The following UBXN2A variants were observed in gnomAD, a reference collection of about 807,000 sequenced individuals.
UBXN2A encodes the protein UBX domain protein 2A, also known as UBX domain-containing protein 2A.
A neutral mutation model predicts 28.4 loss-of-function variants in UBXN2A; 28 were observed. That is an observed-to-expected ratio of 0.99 (90% CI 0.73 to 1.35). The LOEUF is 1.35. UBXN2A is among the 40% of genes most tolerant of loss of function. UBXN2A has a pLI of 0.00. For missense variants in UBXN2A, 253 were observed against 297.9 expected (o/e 0.85, Z 1.11); for synonymous variants, 97 against 103.6 (o/e 0.94, Z 0.39).
Position 23,943,029 on chromosome 2 carries a change from C to T in UBXN2A, c.-15+2381C>T, listed in dbSNP as rs1277434220. On this transcript the variant is annotated intron_variant, in intron 1 of 6. Transcript: ENST00000309033. ...GGAGTGCTGTGGTGCAATCTCCGCT[C>T]ACTGCAACCTCTGCCTCCCGGGTTC... Among the ~76,000 whole-genome samples, 3 of 151,300 alleles carry T rather than the reference C, an allele frequency of 2.0e-5. No homozygotes were observed. The East Asian group carries it at 5.8e-4, about 29-fold the overall frequency.
At chr2:23,985,312 G>T (rs759358328) in intron 6 of UBXN2A, among the ~76,000 whole-genome samples, 1 of 151,948 alleles carries the variant, frequency 6.6e-6, no homozygotes, top group South Asian at 2.1e-4. Flanking sequence ...GTAGTGGCAC[G>T]ATCTCAGCTC....
intron 1 of UBXN2A, 104 bp from the exon 2 acceptor site, chr2:23,958,195 CTT>C: frequency 4.0e-6 from 3 of 752,852 alleles, no homozygotes; most frequent in Non-Finnish European, 4.0e-6. Flanking sequence ...AGTTTGCTCA[CTT>C]TTTCTTTAGA....
At chr2:23,960,096 C>CA (rs1006277588) in intron 2 of UBXN2A, among the ~76,000 whole-genome samples, 48 of 148,450 alleles carry the variant, frequency 3.2e-4, no homozygotes, top group South Asian at 6.4e-4. Flanking sequence ...ACTAAAAATA[C>CA]AAAAAAAAAA....
At chr2:23,929,467 T>C (rs1705306721) in intron 1 of UBXN2A, among the ~76,000 whole-genome samples, 1 of 149,786 alleles carries the variant, frequency 6.7e-6, no homozygotes, top group African/African-American at 2.5e-5. Flanking sequence ...ATCTCAGCAC[T>C]TTGGGAGGCA....
chr2:23,999,526 GC>G, intron 6 of UBXN2A, 145 bp from the exon 7 acceptor site: 1 of 839,920 alleles, frequency 1.2e-6, no homozygotes. Context: ...TATTATGATG[GC>G]ACCACTGCAC....
rs971885262 is a variant in UBXN2A, at chr2:23,957,601, G to A, written c.-14-700G>A. On this transcript the variant is annotated intron_variant, in intron 1 of 6. Coordinates refer to ENST00000309033, the MANE Select transcript of UBXN2A (RefSeq NM_181713.4). Reference sequence around the variant, plus strand: ...TGTAATCCCAGGACTTTGAGAGGCCGAGGCAGGTGGATCACCTGAGGTTGG... The same window carrying A: ...TGTAATCCCAGGACTTTGAGAGGCCAAGGCAGGTGGATCACCTGAGGTTGG... 1.3e-4 allele frequency among the ~76,000 whole-genome samples: 19 copies of A among 151,964 alleles called. 1 individual carries two copies. The highest frequency in any genetic ancestry group is 5.9e-4 in the Admixed American group (9 of 15,262).
At chr2:23,952,935 A>G (rs543057752) in intron 1 of UBXN2A, among the ~76,000 whole-genome samples, 1 of 150,290 alleles carries the variant, frequency 6.7e-6, no homozygotes, top group East Asian at 2.0e-4. Context: ...CAAGCCATGA[A>G]TCAACCAAAT....
intron 2 of UBXN2A, among the ~76,000 whole-genome samples, chr2:23,968,522 A>G (rs574534602): frequency 1.3e-5 from 2 of 151,980 alleles, no homozygotes; most frequent in South Asian, 4.2e-4. Flanking sequence ...AAATACAAAA[A>G]ATTAGCCAGG....
In UBXN2A at chr2:23,940,563, G is replaced by A. The variant is rs112997568; in HGVS notation, c.-100G>A. 8,711 of 151,394 alleles carry A rather than the reference G, an allele frequency of 0.058. 336 individuals carry two copies. The highest frequency in any genetic ancestry group is 0.12 in the Middle Eastern group (34 of 292). The allele number at this position is 151,394 out of a possible 1,614,324, so 9.4% of individuals were successfully genotyped here. Reference sequence around the variant, plus strand: ...GGGCGGCGGCGCTCCGGCTCTGAAGGGCTCCAGCCAAACGGAGCCCGCGGC... The same window carrying A: ...GGGCGGCGGCGCTCCGGCTCTGAAGAGCTCCAGCCAAACGGAGCCCGCGGC... On this transcript the variant is annotated 5_prime_UTR_variant, in exon 1 of 7. Transcript: ENST00000309033.
At chr2:23,952,281 T>C (rs1451095740) in intron 1 of UBXN2A, among the ~76,000 whole-genome samples, 1 of 151,890 alleles carries the variant, frequency 6.6e-6, no homozygotes, top group Non-Finnish European at 1.5e-5. Flanking sequence ...GGTTTTGTTT[T>C]TTAAGACGGT....
chr2:23,999,041 G>A (rs1708647671), intron 6 of UBXN2A, among the ~76,000 whole-genome samples: 1 of 152,066 alleles, frequency 6.6e-6, no homozygotes, highest in South Asian at 2.1e-4. Context: ...AGACTTTTTT[G>A]GTAGCCCTTA....
At chr2:23,971,174 A>G (rs1247403718) in intron 2 of UBXN2A, 102 bp from the exon 3 acceptor site, 25 of 1,284,536 alleles carry the variant, frequency 1.9e-5, no homozygotes, top group Non-Finnish European at 2.5e-5. Context: ...AACTACAGAC[A>G]TGCACGTAGC....
chr2:23,948,802 T>A (rs1390566736), intron 1 of UBXN2A, among the ~76,000 whole-genome samples: 2 of 152,200 alleles, frequency 1.3e-5, no homozygotes, highest in Non-Finnish European at 2.9e-5. Context: ...TCATTCTCTT[T>A]TGCTGTCATA....
chr2:23,958,443 GA>G, intron 2 of UBXN2A, 88 bp downstream of exon 2: 2 of 1,314,780 alleles, frequency 1.5e-6, no homozygotes, highest in Non-Finnish European at 2.1e-6. Flanking sequence ...AGAGATAGTA[GA>G]GTACGTTTTA....
At chr2:23,975,602 A>C (rs1707623620) in intron 3 of UBXN2A, among the ~76,000 whole-genome samples, 1 of 152,262 alleles carries the variant, frequency 6.6e-6, no homozygotes, top group East Asian at 1.9e-4. Flanking sequence ...TTATGTTAAA[A>C]AGCAGACTTA....
At chr2:23,975,221 T>G (rs1280586056) in intron 3 of UBXN2A, among the ~76,000 whole-genome samples, 2 of 152,198 alleles carry the variant, frequency 1.3e-5, no homozygotes, top group Non-Finnish European at 2.9e-5. Context: ...TAAAAGACTT[T>G]AACGTAACAA....
chr2:23,976,198 A>G (rs1201294484), intron 3 of UBXN2A, among the ~76,000 whole-genome samples: 1 of 152,184 alleles, frequency 6.6e-6, no homozygotes, highest in Non-Finnish European at 1.5e-5. Flanking sequence ...TAAATACTGT[A>G]CAGCATAAGC....
At chr2:23,985,839 A>T (rs1010529666) in intron 6 of UBXN2A, among the ~76,000 whole-genome samples, 5 of 152,006 alleles carry the variant, frequency 3.3e-5, no homozygotes, top group African/African-American at 9.7e-5. Flanking sequence ...CTACAAAAAA[A>T]TTTTTTTAAA....
At position 23,999,633 on chromosome 2, in the gene UBXN2A, T is replaced by C. The variant is rs767905067; in HGVS notation, c.585-39T>C. 5 of 1,571,424 alleles carry C rather than the reference T, an allele frequency of 3.2e-6. No individual in the cohort carries two copies. The South Asian group carries it at 4.7e-5, about 15-fold the overall frequency. ...TTACTATAAATTAGGTAATTCAAAT[T>C]TTCCTAAAATTATATTAATAGTTTT... On this transcript the variant is annotated intron_variant, in intron 6 of 6. Coordinates refer to ENST00000309033, the MANE Select transcript of UBXN2A (RefSeq NM_181713.4).
Sources: gnomAD v4.1 joint callset for allele counts (sites outside exome capture counted in the v4.1 genomes callset) on GRCh38, gnomAD v4.1.1 for gene constraint, MANE v1.5 for transcripts, NCBI Gene and HGNC (gene_info 2026-07-23, HGNC 2026-07-21) for gene names.